The following GPR137C variants were observed in gnomAD, a reference collection of about 807,000 sequenced individuals.
GPR137C encodes G protein-coupled receptor 137C.
A neutral mutation model predicts 43.4 loss-of-function variants in GPR137C; 27 were observed. The observed-to-expected ratio is 0.62, with a 90% CI of 0.46 to 0.86. The LOEUF (loss-of-function observed/expected upper bound fraction) is 0.86, where lower values mean the gene tolerates loss of function less well. GPR137C is among the 40% of genes least tolerant of loss of function. The probability of loss-of-function intolerance (pLI) is 0.00; values close to 1 mark genes in which losing one functional copy is unlikely to be tolerated. For missense variants in GPR137C, 522 were observed against 534.6 expected (o/e 0.98, Z 0.23); for synonymous variants, 285 against 226.9 (o/e 1.26, Z -2.30).
At chr14:52,613,886 G>A (rs1305169658) in intron 3 of GPR137C, among the ~76,000 whole-genome samples, 1 of 152,182 alleles carries the variant, frequency 6.6e-6, no homozygotes, top group Non-Finnish European at 1.5e-5. Flanking sequence ...GGGATTGCTG[G>A]ATTGTATGGT....
At chr14:52,577,451 A>G (rs1316351673) in intron 1 of GPR137C, among the ~76,000 whole-genome samples, 2 of 151,926 alleles carry the variant, frequency 1.3e-5, no homozygotes, top group Admixed American at 6.6e-5. Context: ...CAAAACCCAA[A>G]GCTAGCAGAA....
At chr14:52,560,386 A>G (rs912835154) in intron 1 of GPR137C, among the ~76,000 whole-genome samples, 1 of 152,170 alleles carries the variant, frequency 6.6e-6, no homozygotes, top group Admixed American at 6.5e-5. Context: ...TTTTTGCAGG[A>G]TATTTTGGTA....
At chr14:52,563,745 T>C (rs948254402) in intron 1 of GPR137C, among the ~76,000 whole-genome samples, 1 of 152,056 alleles carries the variant, frequency 6.6e-6, no homozygotes, top group Admixed American at 6.6e-5. Flanking sequence ...CGTGAGTCCT[T>C]CTCAATATTC....
At chr14:52,621,978 T>C (rs867458037) in intron 3 of GPR137C, among the ~76,000 whole-genome samples, 81 of 151,712 alleles carry the variant, frequency 5.3e-4, no homozygotes, top group African/African-American at 1.9e-3. Flanking sequence ...TAAAACAAAA[T>C]AATACTGAGA....
intron 1 of GPR137C, among the ~76,000 whole-genome samples, chr14:52,568,584 C>A (rs986072359): frequency 1.8e-4 from 28 of 152,128 alleles, no homozygotes; most frequent in Non-Finnish European, 3.2e-4. Context: ...CACAGCGAGA[C>A]CTGAGACACT....
At chr14:52,553,622 G>A in intron 1 of GPR137C, 31 bp downstream of exon 1, 2 of 1,512,868 alleles carry the variant, frequency 1.3e-6, no homozygotes, top group Non-Finnish European at 1.8e-6. Context: ...TGCGGGGCCC[G>A]GGCGGGTGCG....
Position 52,601,005 on chromosome 14 carries a change from G to T in GPR137C, c.717+664G>T, listed in dbSNP as rs77250737. On this transcript the variant is annotated intron_variant, in intron 3 of 6. Coordinates refer to ENST00000321662, the MANE Select transcript of GPR137C (RefSeq NM_001099652.2). ...TAATTGTGTAGCAAAATTTATAAAT[G>T]CCTTGCTTCTCCCTTGCCTTATACT... 4.8e-3 allele frequency among the ~76,000 whole-genome samples: 732 copies of T among 152,256 alleles called. 14 individuals are homozygous for T. The highest frequency in any genetic ancestry group is 0.039 in the Admixed American group (592 of 15,280).
In GPR137C at chr14:52,632,287, G is replaced by T. The variant is rs754234443; in HGVS notation, c.845G>T (p.Gly282Val). ...ACATTAGAAAGTCCATTTAATTATG[G>T]CTGGGATAATCTTTCAGATAAGGTA... ...QDTLESPFNY[G>V]WDNLSDKAHV... The change falls in exon 4 of 7, where the codon GGC (glycine) becomes GTC (valine). Residue 282 changes from glycine to valine, a missense_variant. This residue lies in a region of GPR137C where 437 missense variants were observed against 425.7 expected (regional missense o/e 1.03). Transcript: ENST00000321662. The T allele has an allele frequency of 1.2e-6, 2 of 1,610,318 alleles. No individual in the cohort carries two copies. The highest frequency in any genetic ancestry group is 1.7e-6 in the Non-Finnish European group (2 of 1,177,590).
intron 1 of GPR137C, 26 bp downstream of exon 1, chr14:52,553,617 G>C: frequency 6.6e-7 from 1 of 1,525,970 alleles, no homozygotes; most frequent in East Asian, 2.4e-5. Context: ...CGGCATGCGG[G>C]GCCCGGGCGG....
intron 1 of GPR137C, among the ~76,000 whole-genome samples, chr14:52,577,579 A>G (rs527920263): frequency 7.3e-5 from 11 of 149,916 alleles, no homozygotes; most frequent in African/African-American, 2.2e-4. Context: ...GGCAAAGACA[A>G]ACAAAATTGG....
intron 3 of GPR137C, chr14:52,612,339 C>T: frequency 1.1e-6 from 1 of 901,998 alleles, no homozygotes; most frequent in South Asian, 5.1e-5. Context: ...GGCTGCATAA[C>T]ATTTCATCAT....
At chr14:52,634,273 A>T (rs1003272667) in intron 6 of GPR137C, among the ~76,000 whole-genome samples, 1 of 152,118 alleles carries the variant, frequency 6.6e-6, no homozygotes, top group Non-Finnish European at 1.5e-5. Context: ...GTCTGTTTCC[A>T]TATCTTTAGT....
At chr14:52,559,021 G>C (rs548182960) in intron 1 of GPR137C, among the ~76,000 whole-genome samples, 3 of 152,300 alleles carry the variant, frequency 2.0e-5, no homozygotes, top group Admixed American at 6.5e-5. Context: ...AGACATCCAA[G>C]TTTCAGATCC....
intron 3 of GPR137C, among the ~76,000 whole-genome samples, chr14:52,610,246 C>G (rs1470888902): frequency 6.6e-6 from 1 of 152,106 alleles, no homozygotes; most frequent in East Asian, 1.9e-4. Flanking sequence ...TCTGCTTCTC[C>G]CTGCTAAAGT....
At chr14:52,553,628 G>A in intron 1 of GPR137C, 37 bp downstream of exon 1, 1 of 1,484,984 alleles carries the variant, frequency 6.7e-7, no homozygotes, top group South Asian at 1.3e-5. Context: ...GCCCGGGCGG[G>A]TGCGCGGGGC....
intron 1 of GPR137C, chr14:52,597,003 T>A (rs970309864): frequency 8.8e-6 from 4 of 455,176 alleles, no homozygotes; most frequent in Non-Finnish European, 1.8e-5. Flanking sequence ...AACAATGCAT[T>A]TCTCAGAACA....
chr14:52,593,339 G>A lies in GPR137C; in HGVS notation c.445-4933G>A, dbSNP rs561081265. Among the ~76,000 whole-genome samples, 52 of 152,256 alleles carry A rather than the reference G, an allele frequency of 3.4e-4. 1 individual carries two copies. The South Asian group carries it at 9.5e-3, about 28-fold the overall frequency. On this transcript the variant is annotated intron_variant, in intron 1 of 6. Coordinates refer to ENST00000321662, the MANE Select transcript of GPR137C (RefSeq NM_001099652.2). ...AGGCCTTTGTGTCGGGATGATGCTG[G>A]CCCCATAAAATGAGTTAGGGAGGAG...
chr14:52,615,444 T>A (rs1181198268), intron 3 of GPR137C, among the ~76,000 whole-genome samples: 1 of 150,274 alleles, frequency 6.7e-6, no homozygotes, highest in Non-Finnish European at 1.5e-5. Flanking sequence ...CTGGGTCTTT[T>A]GTGGTTCCAT....
At chr14:52,625,977 A>G (rs566116425) in intron 3 of GPR137C, among the ~76,000 whole-genome samples, 6 of 152,214 alleles carry the variant, frequency 3.9e-5, no homozygotes, top group Non-Finnish European at 8.8e-5. Context: ...ACTAACCTTG[A>G]ATTGAAAATA....
Sources: allele counts gnomAD v4.1 joint callset (sites outside exome capture counted in the v4.1 genomes callset), GRCh38; gene constraint gnomAD v4.1.1; regional missense constraint gnomAD v4.1.1; transcripts MANE v1.5; gene names NCBI Gene and HGNC (gene_info 2026-07-23, HGNC 2026-07-21).